The following LRRTM4 variants were observed in gnomAD, a reference collection of about 807,000 sequenced individuals.
The protein encoded by LRRTM4 is leucine-rich repeat transmembrane neuronal protein 4.
A neutral mutation model predicts 47.6 loss-of-function variants in LRRTM4; 25 were observed. That is an observed-to-expected ratio of 0.53 (90% CI 0.38 to 0.73). The LOEUF (loss-of-function observed/expected upper bound fraction) is 0.73, where lower values mean the gene tolerates loss of function less well. Among genes scored for constraint, LRRTM4 ranks in the 30% least tolerant of loss-of-function variants. The probability of loss-of-function intolerance (pLI) is 0.00; values close to 1 mark genes in which losing one functional copy is unlikely to be tolerated. For missense variants in LRRTM4, 638 were observed against 713.4 expected, an observed-to-expected ratio of 0.89 and a Z score of 1.20; for synonymous variants, 311 against 269.5, an observed-to-expected ratio of 1.15 and a Z score of -1.51.
At chr2:77,237,292 C>G (rs1372768863) in intron 3 of LRRTM4, among the ~76,000 whole-genome samples, 2 of 151,422 alleles carry the variant, frequency 1.3e-5, no homozygotes, top group Non-Finnish European at 2.9e-5. Context: ...TTGTGTCTTT[C>G]CAGGATTTTA....
rs1485783631 is a variant in LRRTM4 at position 76,950,487 on chromosome 2, T to G, written c.1552-201571A>C. ...GTTATTTAAGAAAATTTTATTAACC[T>G]TCAAAACAGGAAAAATGAATATTGT... On this transcript the variant is annotated intron_variant, in intron 3 of 3. Coordinates refer to ENST00000409884, the MANE Select transcript of LRRTM4 (RefSeq NM_001134745.3). 2.0e-5 allele frequency among the ~76,000 whole-genome samples: 3 copies of G among 151,954 alleles called. No homozygotes were observed. The East Asian group carries it at 5.8e-4, about 30-fold the overall frequency.
rs1674539081 is a variant in LRRTM4, at chr2:77,218,933, A to G, written c.1551+299385T>C. Among the ~76,000 whole-genome samples the G allele has an allele frequency of 2.0e-5, 3 of 152,228 alleles. No individual in the cohort carries two copies. The South Asian group carries it at 6.2e-4, about 31-fold the overall frequency. Reference sequence around the variant, plus strand: ...AGGGGCTCAAAGTAAAATGAGGTAGATGAAAACGTAAATAAATGAAACAAA... The same window carrying G: ...AGGGGCTCAAAGTAAAATGAGGTAGGTGAAAACGTAAATAAATGAAACAAA... On this transcript the variant is annotated intron_variant, in intron 3 of 3. Coordinates refer to ENST00000409884, the MANE Select transcript of LRRTM4 (RefSeq NM_001134745.3).
At chr2:76,968,911 A>G (rs746326624) in intron 3 of LRRTM4, among the ~76,000 whole-genome samples, 4 of 151,768 alleles carry the variant, frequency 2.6e-5, no homozygotes, top group Non-Finnish European at 5.9e-5. Flanking sequence ...AATAAAACCT[A>G]GCTCCTCCGT....
chr2:77,034,919 C>T (rs1382979303), intron 3 of LRRTM4, among the ~76,000 whole-genome samples: 2 of 151,810 alleles, frequency 1.3e-5, no homozygotes, highest in Non-Finnish European at 2.9e-5. Flanking sequence ...TGTTACAGTT[C>T]ATATATAAAA....
intron 3 of LRRTM4, among the ~76,000 whole-genome samples, chr2:77,250,298 A>T (rs1163034093): frequency 6.6e-6 from 1 of 152,170 alleles, no homozygotes; most frequent in Non-Finnish European, 1.5e-5. Flanking sequence ...ACTTTGCGTG[A>T]TAATGATTTT....
At chr2:77,400,738 ACTGT>A (rs968657057) in intron 3 of LRRTM4, among the ~76,000 whole-genome samples, 3 of 151,720 alleles carry the variant, frequency 2.0e-5, no homozygotes, top group South Asian at 4.2e-4. Flanking sequence ...CTCTTAACAC[ACTGT>A]CTTTCTTCCT....
intron 3 of LRRTM4, among the ~76,000 whole-genome samples, chr2:77,488,385 C>G (rs958896018): frequency 2.6e-5 from 4 of 152,166 alleles, no homozygotes; most frequent in African/African-American, 9.7e-5. Flanking sequence ...CACTCATACA[C>G]CCCTTGCTAC....
At chr2:77,095,346 G>T (rs901074677) in intron 3 of LRRTM4, among the ~76,000 whole-genome samples, 2 of 151,942 alleles carry the variant, frequency 1.3e-5, no homozygotes, top group African/African-American at 2.4e-5. Context: ...TGGTATGCAG[G>T]CTCCTCAAAA....
At chr2:77,231,904 A>T (rs976753641) in intron 3 of LRRTM4, among the ~76,000 whole-genome samples, 8 of 152,182 alleles carry the variant, frequency 5.3e-5, no homozygotes, top group Non-Finnish European at 8.8e-5. Context: ...TTTCTGATTT[A>T]TTCTTTTATA....
At chr2:77,434,015 C>T (rs145748058) in intron 3 of LRRTM4, among the ~76,000 whole-genome samples, 125 of 152,276 alleles carry the variant, frequency 8.2e-4, no homozygotes, top group Non-Finnish European at 1.5e-3. Flanking sequence ...AAGAACCATG[C>T]GGTTCTAGAC....
At chr2:77,068,855 T>A (rs915303921) in intron 3 of LRRTM4, among the ~76,000 whole-genome samples, 2 of 152,172 alleles carry the variant, frequency 1.3e-5, no homozygotes, top group East Asian at 1.9e-4. Context: ...GGTTGTGGGT[T>A]TACCGGAATG....
chr2:77,222,679 G>C (rs552043568), intron 3 of LRRTM4, among the ~76,000 whole-genome samples: 2 of 152,206 alleles, frequency 1.3e-5, no homozygotes, highest in East Asian at 3.9e-4. Flanking sequence ...TCTTTGAATA[G>C]ACCAATAACA....
intron 3 of LRRTM4, among the ~76,000 whole-genome samples, chr2:77,415,838 G>A: frequency 6.6e-6 from 1 of 152,052 alleles, no homozygotes; most frequent in Non-Finnish European, 1.5e-5. Context: ...TTACCACAGT[G>A]TTGGTATATA....
chr2:77,440,085 T>C (rs1675774135), intron 3 of LRRTM4, among the ~76,000 whole-genome samples: 1 of 152,112 alleles, frequency 6.6e-6, no homozygotes, highest in Non-Finnish European at 1.5e-5. Flanking sequence ...TGGGTGAAAT[T>C]GAGTAACCTA....
At chr2:76,782,946 GC>G (rs1253554765) in intron 3 of LRRTM4, among the ~76,000 whole-genome samples, 1 of 152,040 alleles carries the variant, frequency 6.6e-6, no homozygotes, top group Non-Finnish European at 1.5e-5. Flanking sequence ...AATTGTTGAA[GC>G]TTTTATTCAA....
intron 3 of LRRTM4, among the ~76,000 whole-genome samples, chr2:77,253,733 T>C (rs1675684813): frequency 6.6e-6 from 1 of 151,952 alleles, no homozygotes; most frequent in Admixed American, 6.6e-5. Flanking sequence ...TGTGAAGAAA[T>C]AGAATATATA....
At chr2:77,502,230 G>T (rs1678595386) in intron 3 of LRRTM4, among the ~76,000 whole-genome samples, 2 of 151,316 alleles carry the variant, frequency 1.3e-5, no homozygotes, top group Middle Eastern at 3.2e-3. Flanking sequence ...TATTATTTTT[G>T]TGTAATAAAA....
At chr2:77,499,018 G>A (rs1678467871) in intron 3 of LRRTM4, among the ~76,000 whole-genome samples, 1 of 151,742 alleles carries the variant, frequency 6.6e-6, no homozygotes, top group Non-Finnish European at 1.5e-5. Context: ...ACCTTCCTTG[G>A]CTGTAGAAAT....
intron 3 of LRRTM4, among the ~76,000 whole-genome samples, chr2:77,098,960 TAA>T (rs1375134518): frequency 2.0e-5 from 3 of 151,954 alleles, no homozygotes; most frequent in East Asian, 1.9e-4. Context: ...GGCAATAATA[TAA>T]AAGTCTGAAA....
Sources: allele counts gnomAD v4.1 joint callset (sites outside exome capture counted in the v4.1 genomes callset), GRCh38; gene constraint gnomAD v4.1.1; transcripts MANE v1.5; gene names NCBI Gene and HGNC (gene_info 2026-07-23, HGNC 2026-07-21).